The following TEX11 variants were observed in gnomAD, a reference collection of about 807,000 sequenced individuals.
TEX11 encodes testis expressed 11.
In TEX11, 7 loss-of-function variants were observed where a neutral mutation model predicts 84.4. That is an observed-to-expected ratio of 0.08 (90% confidence interval 0.05 to 0.16). The LOEUF (loss-of-function observed/expected upper bound fraction) is 0.16. Ranked by LOEUF, TEX11 falls within the 10% of genes least tolerant of loss-of-function variation. TEX11 has a pLI of 1.00. For synonymous variants in TEX11, 264 were observed against 222.8 expected (o/e 1.18, Z -1.64); for missense variants, 551 against 660.5 (o/e 0.83, Z 1.82).
intron 5 of TEX11, among the ~76,000 whole-genome samples, chrX:70,859,426 A>G (rs572075728): frequency 1.9e-5 from 2 of 104,705 alleles, no homozygotes; most frequent in South Asian, 4.5e-4. Context: ...TAAAAAAAAA[A>G]AAAAAATTAG....
intron 9 of TEX11, among the ~76,000 whole-genome samples, chrX:70,746,406 T>C (rs1404420612): frequency 9.0e-6 from 1 of 111,388 alleles, no homozygotes; most frequent in Non-Finnish European, 1.9e-5. Context: ...GAGATCCTGA[T>C]CATCTTTACT....
At chrX:70,874,600 C>T (rs2091646529) in intron 3 of TEX11, among the ~76,000 whole-genome samples, 1 of 107,053 alleles carries the variant, frequency 9.3e-6, no homozygotes, top group East Asian at 3.0e-4. Context: ...TGGGGTTTCA[C>T]CATGTAGGCC....
chrX:70,818,393 A>G (rs1376710794), intron 8 of TEX11, among the ~76,000 whole-genome samples: 1 of 111,540 alleles, frequency 9.0e-6, no homozygotes, highest in East Asian at 2.8e-4. Flanking sequence ...GGAAGAACAG[A>G]ACAGTTTTAT....
intron 2 of TEX11, among the ~76,000 whole-genome samples, chrX:70,896,939 G>A (rs1467012743): frequency 1.9e-5 from 2 of 106,826 alleles, no homozygotes; most frequent in African/African-American, 6.8e-5. Flanking sequence ...GACCAGCCTG[G>A]CCAACGTGGT....
At chrX:70,539,038 A>ATATATATATATTTTTT in intron 28 of TEX11, among the ~76,000 whole-genome samples, 12 of 41,255 alleles carry the variant, frequency 2.9e-4, no homozygotes, top group South Asian at 2.5e-3. Context: ...ATATATATAT[A>ATATATATATATTTTTT]TTTTTTTTTT....
chrX:70,688,873 G>T (rs1406489209), intron 13 of TEX11, among the ~76,000 whole-genome samples: 2 of 96,774 alleles, frequency 2.1e-5, no homozygotes, highest in Non-Finnish European at 4.2e-5. Flanking sequence ...TGTGACAAGA[G>T]ACTCTAACAA....
Position 70,543,131 on chromosome X carries a change from G to A in TEX11, c.2520+8995C>T, listed in dbSNP as rs190785107. Among the ~76,000 whole-genome samples the A allele has an allele frequency of 7.8e-4, 87 of 111,150 alleles. 2 individuals carry two copies. The highest frequency in any genetic ancestry group is 4.6e-3 in the Admixed American group (49 of 10,539). The stretch of plus-strand genomic sequence containing the variant: ...TGGGAGGTGGAGCTTGCAGTGAGCC[G>A]AGATCGCGCCACTGCACTCCAGCCT... On this transcript the variant is annotated intron_variant, in intron 28 of 29. Transcript: ENST00000374333.
At chrX:70,735,743 A>G (rs1465057550) in intron 11 of TEX11, among the ~76,000 whole-genome samples, 1 of 112,276 alleles carries the variant, frequency 8.9e-6, no homozygotes, top group East Asian at 2.8e-4. Context: ...ATGAAAATGC[A>G]AGAGATTCAG....
At chrX:70,513,684 G>C in the TEX11 span, among the ~76,000 whole-genome samples, 1 of 106,697 alleles carries the variant, frequency 9.4e-6, no homozygotes, top group South Asian at 4.1e-4. Context: ...TTTTAGAATA[G>C]GATTTGTTTT....
chrX:70,543,392 T>G (rs1603042799), intron 28 of TEX11, among the ~76,000 whole-genome samples: 1 of 110,766 alleles, frequency 9.0e-6, no homozygotes, highest in African/African-American at 3.3e-5. Context: ...TTGGACAGAA[T>G]GAAAGTGGCA....
intron 14 of TEX11, among the ~76,000 whole-genome samples, chrX:70,679,520 A>G (rs1457308615): frequency 3.9e-4 from 30 of 76,507 alleles, no homozygotes; most frequent in East Asian, 9.5e-4. Context: ...CCGCCATCCC[A>G]TCTGGGAAGT....
At chrX:70,899,824 T>C (rs1166297756) in intron 2 of TEX11, among the ~76,000 whole-genome samples, 64 of 53,089 alleles carry the variant, frequency 1.2e-3, no homozygotes, top group Middle Eastern at 0.044. Context: ...CCAGCCTGGG[T>C]GACAAAGAGA....
chrX:70,750,649 T>A (rs1361728539), intron 9 of TEX11, among the ~76,000 whole-genome samples: 1 of 100,849 alleles, frequency 9.9e-6, no homozygotes, highest in East Asian at 3.2e-4. Flanking sequence ...GAAATCATCA[T>A]TCTCAGTAAA....
At chrX:70,810,587 G>A (rs1444161446) in intron 8 of TEX11, among the ~76,000 whole-genome samples, 2 of 111,026 alleles carry the variant, frequency 1.8e-5, no homozygotes, top group Non-Finnish European at 3.8e-5. Flanking sequence ...AGTGGGAGCT[G>A]AACAATGAGA....
chrX:70,852,848 A>AC (rs1297251078), intron 7 of TEX11, among the ~76,000 whole-genome samples, 186 bp downstream of exon 7: 2 of 111,718 alleles, frequency 1.8e-5, no homozygotes, highest in African/African-American at 6.5e-5. Flanking sequence ...ACCCTTAGCC[A>AC]CCCCATAGAT....
intron 28 of TEX11, among the ~76,000 whole-genome samples, chrX:70,544,770 C>T (rs1404793380): frequency 1.1e-5 from 1 of 88,745 alleles, no homozygotes; most frequent in African/African-American, 4.7e-5. Flanking sequence ...GCCTGGGAGG[C>T]AGAGGTTGCA....
chrX:70,585,751 G>T (rs996803513), intron 25 of TEX11, among the ~76,000 whole-genome samples: 1 of 112,317 alleles, frequency 8.9e-6, no homozygotes, highest in African/African-American at 3.2e-5. Context: ...CATTATATGG[G>T]ACAAAGAATA....
At chrX:70,894,797 A>C (rs2091758677) in intron 2 of TEX11, among the ~76,000 whole-genome samples, 1 of 111,797 alleles carries the variant, frequency 8.9e-6, no homozygotes, top group Admixed American at 9.6e-5. Context: ...TGATTATCTC[A>C]ATAGATGCAG....
At chrX:70,675,015 C>T (rs1212414444) in intron 15 of TEX11, among the ~76,000 whole-genome samples, 6 of 111,189 alleles carry the variant, frequency 5.4e-5, no homozygotes, top group African/African-American at 2.0e-4. Flanking sequence ...TTTAACTTAT[C>T]ATAGTCTATC....
Sources: gnomAD v4.1 joint callset for allele counts (sites outside exome capture counted in the v4.1 genomes callset) on GRCh38, gnomAD v4.1.1 for gene constraint, MANE v1.5 for transcripts, NCBI Gene and HGNC (gene_info 2026-07-23, HGNC 2026-07-21) for gene names.